SETX: variants seen among roughly 807,000 people sequenced by gnomAD.
SETX encodes the protein helicase senataxin.
Under a neutral mutation model 227.2 loss-of-function variants are expected in SETX, and 90 were observed. That is an observed-to-expected ratio of 0.40 (90% confidence interval 0.33 to 0.47). The LOEUF is 0.47. Among genes scored for constraint, SETX ranks in the 20% least tolerant of loss-of-function variants. The pLI, the probability that SETX is intolerant of heterozygous loss-of-function variation, is 0.91. For missense variants in SETX, 3,052 were observed against 3,181.5 expected (o/e 0.96, Z 0.98); for synonymous variants, 1,210 against 1,113.2 (o/e 1.09, Z -1.73).
chr9:132,309,916 C>A (rs1352442093), intron 11 of SETX, among the ~76,000 whole-genome samples: 1 of 152,058 alleles, frequency 6.6e-6, no homozygotes, highest in Non-Finnish European at 1.5e-5. Context: ...GGACACAGAG[C>A]ACTGACAATA....
chr9:132,355,305 G>C (rs1848856897), upstream of SETX, among the ~76,000 whole-genome samples: 1 of 152,172 alleles, frequency 6.6e-6, no homozygotes, highest in Non-Finnish European at 1.5e-5. Context: ...GCTGCGGGTG[G>C]GGTCAGCCCT....
Position 132,327,684 on chromosome 9 carries a change from T to A in SETX, c.3914A>T (p.Asp1305Val). The A allele has an allele frequency of 6.2e-7, 1 of 1,613,932 alleles. No homozygotes were observed. The highest frequency in any genetic ancestry group is 1.1e-5 in the South Asian group (1 of 91,058). The change falls in exon 10 of 26, where the codon GAT becomes GTT. Residue 1305 changes from aspartate (D) to valine (V), a missense_variant. Coordinates refer to ENST00000224140, the MANE Select transcript of SETX (RefSeq NM_015046.7). ...KAYELSQRSL[D>V]YVAQLRDHGK... ...ATGATCACGTAATTGAGCTACATAA[T>A]CCAAAGACCGCTGGGACAACTCATA...
At chr9:132,270,596 C>T (rs1842859159) in intron 24 of SETX, among the ~76,000 whole-genome samples, 1 of 152,244 alleles carries the variant, frequency 6.6e-6, no homozygotes, top group Admixed American at 6.5e-5. Context: ...TCGGGGCTTC[C>T]TTCAAAGTGA....
In SETX at chr9:132,326,784, G is replaced by A. The variant is rs2131429401; in HGVS notation, c.4814C>T (p.Ser1605Leu). ...AGATTTAGAAAGACCAGCAATTCGTGAAGTACTCTTTGAGCTAAAAATCTT... is the reference window on the plus strand; with the variant it reads ...AGATTTAGAAAGACCAGCAATTCGTAAAGTACTCTTTGAGCTAAAAATCTT... Reference protein sequence around the residue: ...TTKIFSSKSTSRIAGLSKSLE... With the variant: ...TTKIFSSKSTLRIAGLSKSLE... The change falls in exon 10 of 26, where the codon TCA becomes TTA. Residue 1605 changes from serine (S) to leucine (L), a missense_variant. Physicochemically the swap from Ser to Leu is moderately radical, Grantham distance 145. Transcript: ENST00000224140. 1.2e-6 allele frequency: 2 copies of A among 1,614,234 alleles called. No individual in the cohort carries two copies. Among genetic ancestry groups the A allele is most frequent in the Non-Finnish European group, 1.7e-6 (2 of 1,180,032 alleles).
intron 18 of SETX, among the ~76,000 whole-genome samples, chr9:132,284,884 GTT>G (rs958802713): frequency 7.1e-6 from 1 of 140,644 alleles, no homozygotes. Context: ...TTTTTTTGTT[GTT>G]TTTTTTTTTT....
chr9:132,346,279 G>C lies in SETX; in HGVS notation c.370C>G (p.Leu124Val), dbSNP rs1488062133. The C allele has an allele frequency of 6.2e-7, 1 of 1,613,402 alleles. No individual in the cohort carries two copies. Among genetic ancestry groups the C allele is most frequent in the Non-Finnish European group, 8.5e-7 (1 of 1,179,470 alleles). The change falls in exon 4 of 26, where the codon CTT (leucine) becomes GTT (valine). Residue 124 changes from leucine to valine, a missense_variant. Leu to Val is a conservative substitution (Grantham distance 32). Coordinates refer to ENST00000224140, the MANE Select transcript of SETX (RefSeq NM_015046.7). Reference protein sequence around the residue: ...LLEILKYPYLLLHERVNELCV... With the variant: ...LLEILKYPYLVLHERVNELCV... ...TACTCACTAACACGTTCATGTAGAA[G>C]CAAGTAAGGATATTTCAGTATTTCA...
intron 10 of SETX, among the ~76,000 whole-genome samples, chr9:132,317,557 T>C (rs1388345217): frequency 1.3e-5 from 2 of 152,198 alleles, no homozygotes; most frequent in African/African-American, 2.4e-5. Context: ...ATTGTTCTCA[T>C]GTTAAAGTAA....
chr9:132,336,315 G>A lies in SETX; in HGVS notation c.699C>T (p.Asn233=), dbSNP rs755766777. The change falls in exon 6 of 26, where the codon AAC becomes AAT. Residue 233 remains asparagine (N), a synonymous_variant. Transcript: ENST00000224140. ...ACTCACCTAACCAATAGCTTTTGTA[G>A]TTGGTAGTATCATACATGTGTGAGG... ...LLPSHMYDTT[N]YKSYWLGICM... is the part of the protein sequence containing the mutation. 1 of 1,611,480 alleles carries A rather than the reference G, an allele frequency of 6.2e-7. No homozygotes were observed. Among genetic ancestry groups the A allele is most frequent in the African/African-American group, 1.3e-5 (1 of 74,888 alleles).
chr9:132,324,032 A>C (rs1846546420), intron 10 of SETX, among the ~76,000 whole-genome samples: 1 of 152,222 alleles, frequency 6.6e-6, no homozygotes, highest in South Asian at 2.1e-4. Context: ...GAAATCTTTG[A>C]CTATTTTAAA....
Position 132,295,762 on chromosome 9 carries a change from C to G in SETX, c.6106+110G>C, listed in dbSNP as rs907569212. ...TAAATGAACTCACAAGCCACAGATT[C>G]AAGTAGAAGCTATTACCAGGACTGG... On this transcript the variant is annotated intron_variant, in intron 15 of 25. Transcript: ENST00000224140. 13 of 981,914 alleles carry G rather than the reference C, an allele frequency of 1.3e-5. No individual in the cohort carries two copies. In the African/African-American group the frequency reaches 2.0e-4, roughly 15 times the overall value. The allele number at this position is 981,914 out of a possible 1,614,324, so 60.8% of individuals were successfully genotyped here.
At position 132,270,167 on chromosome 9, in the gene SETX, G is replaced by C. The variant is rs557668947; in HGVS notation, c.7200-465C>G. ...AGAATGACTCAGCATCCTCATGTGA[G>C]ACACAGGTGGACTCTAGAATGACTC... is the stretch of plus-strand genomic sequence containing the variant. On this transcript the variant is annotated intron_variant, in intron 24 of 25. Transcript: ENST00000224140. 2.6e-3 allele frequency among the ~76,000 whole-genome samples: 370 copies of C among 144,198 alleles called. 6 individuals carry two copies. The highest frequency in any genetic ancestry group is 9.1e-3 in the African/African-American group (342 of 37,700). 94.6% of individuals were successfully genotyped at this position (144,198 alleles called of 152,430 possible). A position where few individuals can be genotyped will look rare whatever the true frequency, so the allele number is the denominator to read the frequency against.
intron 17 of SETX, 34 bp from the exon 18 acceptor site, chr9:132,286,528 A>G: frequency 1.3e-6 from 2 of 1,486,514 alleles, no homozygotes; most frequent in Non-Finnish European, 9.4e-7. Context: ...AATTAAAACT[A>G]AACTAAGCAT....
At chr9:132,273,007 A>ATCCC (rs1842972066) in intron 23 of SETX, among the ~76,000 whole-genome samples, 1 of 152,146 alleles carries the variant, frequency 6.6e-6, no homozygotes, top group African/African-American at 2.4e-5. Flanking sequence ...GCACTTTGGG[A>ATCCC]AGACTGTGTG....
intron 20 of SETX, among the ~76,000 whole-genome samples, chr9:132,280,580 T>TCC (rs1843444188): frequency 6.6e-6 from 1 of 152,224 alleles, no homozygotes; most frequent in African/African-American, 2.4e-5. Context: ...GCACTATCAT[T>TCC]CTGAATAATT....
At chr9:132,272,982 A>AGAGC (rs1842971444) in intron 23 of SETX, among the ~76,000 whole-genome samples, 1 of 152,134 alleles carries the variant, frequency 6.6e-6, no homozygotes, top group East Asian at 1.9e-4. Context: ...ATGGTAGCTC[A>AGAGC]TGTCTGTAAT....
rs1385988130 is a variant in SETX at position 132,328,492 on chromosome 9, G to C, written c.3106C>G (p.Gln1036Glu). The C allele has an allele frequency of 6.2e-7, 1 of 1,613,766 alleles. No homozygotes were observed. Among genetic ancestry groups the C allele is most frequent in the African/African-American group, 1.3e-5 (1 of 75,016 alleles). ...TCCCTCTCAAGGCATATTTTGTCCT[G>C]TTTAGTGAGTTTCTCAAGACTCAGG... ...RILSLEKLTK[Q>E]DKICLEREHP... Residue 1036 changes from glutamine to glutamate, a missense_variant, in exon 10 of 26, where the codon CAG becomes GAG. Physicochemically the swap from Gln to Glu is conservative, Grantham distance 29 (BLOSUM62 2). Transcript: ENST00000224140.
chr9:132,300,247 G>GGAA (rs1370252916), intron 12 of SETX, among the ~76,000 whole-genome samples: 9 of 152,070 alleles, frequency 5.9e-5, no homozygotes, highest in African/African-American at 1.9e-4. Flanking sequence ...TACAACGGAT[G>GGAA]GAAGTGATGT....
intron 20 of SETX, 81 bp downstream of exon 20, chr9:132,281,386 G>A (rs1215362236): frequency 2.1e-6 from 2 of 933,396 alleles, no homozygotes; most frequent in Non-Finnish European, 3.5e-6. Context: ...GCCAATCCAA[G>A]AAAGATGTCT....
chr9:132,301,247 C>A (rs1031524536), intron 11 of SETX, among the ~76,000 whole-genome samples: 2 of 151,714 alleles, frequency 1.3e-5, no homozygotes, highest in Non-Finnish European at 2.9e-5. Context: ...CCACCACGCC[C>A]GGCTAATTTT....
Sources: allele counts gnomAD v4.1 joint callset (sites outside exome capture counted in the v4.1 genomes callset), GRCh38; gene constraint gnomAD v4.1.1; transcripts MANE v1.5; gene names NCBI Gene and HGNC (gene_info 2026-07-23, HGNC 2026-07-21).